LSAMP: variants seen among roughly 807,000 people sequenced by gnomAD.
LSAMP encodes the protein limbic system-associated membrane protein.
Under a neutral mutation model 38.6 loss-of-function variants are expected in LSAMP, and 7 were observed. The ratio of observed to expected loss-of-function variants is 0.18; its 90% CI spans 0.10 to 0.34. The LOEUF is 0.34. LSAMP is among the 10% of genes least tolerant of loss of function. LSAMP has a pLI of 1.00. For missense variants in LSAMP, 313 were observed against 420.0 expected (o/e 0.75, Z 2.23); for synonymous variants, 154 against 166.8 (o/e 0.92, Z 0.59).
intron 1 of LSAMP, among the ~76,000 whole-genome samples, chr3:116,103,086 T>C (rs1708384059): frequency 6.6e-6 from 1 of 152,186 alleles, no homozygotes; most frequent in South Asian, 2.1e-4. Context: ...TATTGGTGTG[T>C]ATAGCTTTAG....
intron 1 of LSAMP, among the ~76,000 whole-genome samples, chr3:116,357,937 G>T (rs2048248091): frequency 6.6e-6 from 1 of 150,786 alleles, no homozygotes; most frequent in African/African-American, 2.4e-5. Flanking sequence ...AAAAGAGGTT[G>T]AACACCTAGG....
intron 1 of LSAMP, among the ~76,000 whole-genome samples, chr3:116,127,834 T>G (rs537470772): frequency 6.6e-6 from 1 of 152,032 alleles, no homozygotes; most frequent in African/African-American, 2.4e-5. Flanking sequence ...CTTTTATTCA[T>G]TAGGGGAGTT....
At chr3:116,303,724 C>T (rs1046719172) in intron 1 of LSAMP, among the ~76,000 whole-genome samples, 1 of 152,134 alleles carries the variant, frequency 6.6e-6, no homozygotes, top group Non-Finnish European at 1.5e-5. Context: ...ACTAACCCTG[C>T]GAGCGAATAA....
intron 6 of LSAMP, chr3:115,816,568 A>G (rs1384222781): frequency 8.5e-7 from 1 of 1,183,114 alleles, no homozygotes; most frequent in South Asian, 1.3e-5. Flanking sequence ...TTGCTGTGAA[A>G]TCTTAATTTT....
intron 2 of LSAMP, among the ~76,000 whole-genome samples, chr3:116,038,183 A>G (rs929072794): frequency 2.6e-5 from 4 of 152,152 alleles, no homozygotes; most frequent in Non-Finnish European, 5.9e-5. Flanking sequence ...AAATTACTTA[A>G]TCTTTCAGTT....
At chr3:116,152,092 T>C (rs530809568) in intron 1 of LSAMP, among the ~76,000 whole-genome samples, 2 of 152,230 alleles carry the variant, frequency 1.3e-5, no homozygotes, top group East Asian at 3.9e-4. Context: ...ATGGTTTTGT[T>C]TCTGCTTCTG....
chr3:116,409,534 A>G (rs4831137), intron 1 of LSAMP, among the ~76,000 whole-genome samples: 46,401 of 151,662 alleles, frequency 0.31, 9,767 homozygotes, highest in African/African-American at 0.6. Flanking sequence ...CCTGCAATCC[A>G]TTCTTTAAAA....
At chr3:116,374,574 A>G (rs1210507157) in intron 1 of LSAMP, among the ~76,000 whole-genome samples, 1 of 151,938 alleles carries the variant, frequency 6.6e-6, no homozygotes, top group African/African-American at 2.4e-5. Flanking sequence ...GTTAATCTGC[A>G]CTTTACCTAC....
chr3:115,824,696 C>T (rs1372274893), intron 6 of LSAMP, among the ~76,000 whole-genome samples: 1 of 142,772 alleles, frequency 7.0e-6, no homozygotes, highest in Non-Finnish European at 1.5e-5. Flanking sequence ...GGTGACAGGG[C>T]GAGACTCCGT....
At chr3:116,163,716 C>T (rs1308382909) in intron 1 of LSAMP, among the ~76,000 whole-genome samples, 1 of 151,744 alleles carries the variant, frequency 6.6e-6, no homozygotes. Flanking sequence ...GTTCCTATTT[C>T]TCCACATCCT....
intron 1 of LSAMP, among the ~76,000 whole-genome samples, chr3:116,125,854 G>GT (rs1576378759): frequency 2.6e-5 from 4 of 152,214 alleles, no homozygotes; most frequent in Admixed American, 2.6e-4. Context: ...AGAAAAGACA[G>GT]TAAGGGTTAG....
intron 1 of LSAMP, among the ~76,000 whole-genome samples, chr3:116,149,149 C>CAGTT (rs1197920538): frequency 1.3e-5 from 2 of 151,986 alleles, no homozygotes; most frequent in East Asian, 3.9e-4. Context: ...TGGTGGTGAA[C>CAGTT]AGTTCACAGT....
chr3:116,391,290 G>T (rs2048692091), intron 1 of LSAMP, among the ~76,000 whole-genome samples: 1 of 151,772 alleles, frequency 6.6e-6, no homozygotes, highest in Admixed American at 6.6e-5. Flanking sequence ...GGACCCCTGT[G>T]CCCCGCCCCC....
chr3:116,197,417 A>G (rs1286939986), intron 1 of LSAMP, among the ~76,000 whole-genome samples: 1 of 152,128 alleles, frequency 6.6e-6, no homozygotes. Context: ...AGTGCAGGCA[A>G]TCATGGTTTA....
chr3:116,023,192 A>C (rs1940687476), intron 2 of LSAMP, among the ~76,000 whole-genome samples: 1 of 151,792 alleles, frequency 6.6e-6, no homozygotes, highest in East Asian at 1.9e-4. Context: ...ATATATATAC[A>C]CACATATCAG....
chr3:115,953,709 A>G (rs774317986), intron 3 of LSAMP, among the ~76,000 whole-genome samples: 5 of 152,214 alleles, frequency 3.3e-5, no homozygotes, highest in Non-Finnish European at 7.3e-5. Flanking sequence ...TTCCTCTGCT[A>G]CATTCTTCTA....
intron 1 of LSAMP, among the ~76,000 whole-genome samples, chr3:116,340,286 G>A (rs1272292255): frequency 1.3e-5 from 2 of 152,028 alleles, no homozygotes; most frequent in African/African-American, 4.8e-5. Context: ...TGTTACATAT[G>A]AGAATAAATT....
intron 1 of LSAMP, among the ~76,000 whole-genome samples, chr3:116,408,100 T>C (rs1276567858): frequency 6.6e-6 from 1 of 152,046 alleles, no homozygotes; most frequent in Non-Finnish European, 1.5e-5. Flanking sequence ...AATATGTTCT[T>C]GGAGGAGATT....
At chr3:116,283,971 A>C (rs1458464313) in intron 1 of LSAMP, among the ~76,000 whole-genome samples, 1 of 152,150 alleles carries the variant, frequency 6.6e-6, no homozygotes, top group African/African-American at 2.4e-5. Flanking sequence ...GCGCCACTGC[A>C]CTCAAACCTG....
Sources: gnomAD v4.1 joint callset for allele counts (sites outside exome capture counted in the v4.1 genomes callset) on GRCh38, gnomAD v4.1.1 for gene constraint, MANE v1.5 for transcripts, NCBI Gene and HGNC (gene_info 2026-07-23, HGNC 2026-07-21) for gene names.